The following ATRNL1 variants were observed in gnomAD, a reference collection of about 807,000 sequenced individuals.
The protein encoded by ATRNL1 is attractin-like protein 1.
In ATRNL1, 95 loss-of-function variants were observed where a neutral mutation model predicts 182.7. The observed-to-expected ratio is 0.52, with a 90% confidence interval of 0.44 to 0.62. The LOEUF is 0.62. Ranked by LOEUF, ATRNL1 falls within the 20% of genes least tolerant of loss-of-function variation. ATRNL1 has a pLI of 0.00. For synonymous variants in ATRNL1, 576 were observed against 568.3 expected (o/e 1.01, Z -0.19); for missense variants, 1,471 against 1,679.5 (o/e 0.88, Z 2.17).
chr10:115,854,150 G>A (rs1383568634), intron 28 of ATRNL1, among the ~76,000 whole-genome samples: 3 of 152,168 alleles, frequency 2.0e-5, no homozygotes, highest in Admixed American at 6.5e-5. Context: ...GTGTTAAAGT[G>A]CTATGAACAA....
At chr10:115,123,869 G>A (rs1193819080) in intron 3 of ATRNL1, among the ~76,000 whole-genome samples, 2 of 151,948 alleles carry the variant, frequency 1.3e-5, no homozygotes, top group Non-Finnish European at 2.9e-5. Flanking sequence ...AACTGTGCAT[G>A]TGAGGGATCT....
rs527286694 is a variant in ATRNL1 at position 115,558,078 on chromosome 10, C to A, written c.3795+8542C>A. 1.7e-3 allele frequency among the ~76,000 whole-genome samples: 226 copies of A among 133,016 alleles called. 1 individual carries two copies. Among genetic ancestry groups the A allele is most frequent in the African/African-American group, 3.0e-3 (106 of 35,330 alleles). The allele number at this position is 133,016 out of a possible 152,430, so 87.3% of individuals were successfully genotyped here. A position where few individuals can be genotyped will look rare whatever the true frequency, so the allele number is the denominator to read the frequency against. On this transcript the variant is annotated intron_variant, in intron 26 of 28. Coordinates refer to ENST00000355044, the MANE Select transcript of ATRNL1 (RefSeq NM_207303.4). ...AAAACAAAAAAACAAAAAAAAAAAA[C>A]CATTTAAAATACCTGGAAATAGTTT...
intron 10 of ATRNL1, among the ~76,000 whole-genome samples, chr10:115,251,130 G>T (rs1554905286): frequency 6.6e-6 from 1 of 152,112 alleles, no homozygotes; most frequent in Non-Finnish European, 1.5e-5. Context: ...AGTTCTACTT[G>T]GTAGTAGGTG....
intron 19 of ATRNL1, among the ~76,000 whole-genome samples, chr10:115,359,449 C>T (rs889465384): frequency 3.3e-5 from 5 of 151,398 alleles, no homozygotes; most frequent in African/African-American, 9.7e-5. Flanking sequence ...CAGGAAGAGG[C>T]AAAAAGTAGC....
At chr10:115,166,697 C>A (rs1365633394) in intron 7 of ATRNL1, among the ~76,000 whole-genome samples, 1 of 151,868 alleles carries the variant, frequency 6.6e-6, no homozygotes, top group East Asian at 1.9e-4. Context: ...ATTTGTATAT[C>A]CTCTTTGGAG....
intron 27 of ATRNL1, among the ~76,000 whole-genome samples, chr10:115,817,877 G>GTTTTTTTTTTTTTTTTTT (rs35087740): frequency 1.5e-5 from 2 of 133,882 alleles, no homozygotes; most frequent in African/African-American, 2.8e-5. Context: ...TTTACGTTGT[G>GTTTTTTTTTTTTTTTTTT]TTTTTTTTTT....
At chr10:115,748,741 TTTAC>T (rs1416912916) in intron 27 of ATRNL1, among the ~76,000 whole-genome samples, 1 of 151,978 alleles carries the variant, frequency 6.6e-6, no homozygotes, top group Non-Finnish European at 1.5e-5. Flanking sequence ...TACTCTCATA[TTTAC>T]TTAATCTGTC....
intron 26 of ATRNL1, among the ~76,000 whole-genome samples, chr10:115,642,633 C>T (rs1204615175): frequency 4.6e-5 from 7 of 152,170 alleles, no homozygotes; most frequent in African/African-American, 1.4e-4. Flanking sequence ...TTAGTAGAGA[C>T]AGGGTTTCAC....
intron 26 of ATRNL1, among the ~76,000 whole-genome samples, chr10:115,682,097 C>T (rs80282484): frequency 2.0e-5 from 3 of 152,090 alleles, no homozygotes; most frequent in African/African-American, 7.2e-5. Flanking sequence ...AAATAAAACT[C>T]TGTTGGATTT....
chr10:115,799,732 A>G (rs561196996), intron 27 of ATRNL1, among the ~76,000 whole-genome samples: 1 of 152,274 alleles, frequency 6.6e-6, no homozygotes, highest in East Asian at 1.9e-4. Flanking sequence ...CATTTAGCTA[A>G]TCTCATAATA....
Position 115,860,231 on chromosome 10 carries a change from A to G in ATRNL1, c.4018+12240A>G, listed in dbSNP as rs1247960419. On this transcript the variant is annotated intron_variant, in intron 28 of 28. Transcript: ENST00000355044. ...TCTTGTTCTCTGAACCTGCTGTCTG[A>G]TATAATTTGAATTGAACCTTGAAGC... 2.6e-5 allele frequency among the ~76,000 whole-genome samples: 4 copies of G among 152,292 alleles called. No homozygotes were observed. The East Asian group carries it at 7.7e-4, about 29-fold the overall frequency.
At chr10:115,596,083 G>A (rs189294819) in intron 26 of ATRNL1, among the ~76,000 whole-genome samples, 93 of 152,160 alleles carry the variant, frequency 6.1e-4, no homozygotes, top group Non-Finnish European at 1.1e-3. Flanking sequence ...GTTGGTGTTC[G>A]GAAATGTGAC....
At chr10:115,410,011 A>T (rs769359553) in intron 20 of ATRNL1, among the ~76,000 whole-genome samples, 1 of 151,864 alleles carries the variant, frequency 6.6e-6, no homozygotes, top group African/African-American at 2.4e-5. Flanking sequence ...CATTTTGTTG[A>T]TGTGATGTGT....
intron 19 of ATRNL1, among the ~76,000 whole-genome samples, chr10:115,383,867 G>GA (rs1186414870): frequency 6.6e-6 from 1 of 151,824 alleles, no homozygotes; most frequent in East Asian, 1.9e-4. Flanking sequence ...TACAGACTCA[G>GA]AAAAAATGCA....
chr10:115,094,130 C>G, intron 1 of ATRNL1, 87 bp downstream of exon 1: 1 of 1,222,022 alleles, frequency 8.2e-7, no homozygotes. Flanking sequence ...CTCCCCCGCC[C>G]CCGTCGCTGC....
At chr10:115,900,894 A>C (rs2134489536) in intron 28 of ATRNL1, among the ~76,000 whole-genome samples, 1 of 152,390 alleles carries the variant, frequency 6.6e-6, no homozygotes, top group East Asian at 1.9e-4. Context: ...AAGAAGAAAA[A>C]TAAATGATCA....
intron 28 of ATRNL1, among the ~76,000 whole-genome samples, chr10:115,853,448 C>T (rs1951101899): frequency 6.6e-6 from 1 of 152,116 alleles, no homozygotes; most frequent in East Asian, 1.9e-4. Flanking sequence ...GAAATGGACT[C>T]CGGGTCTGCT....
At chr10:115,705,398 A>G (rs941990747) in intron 26 of ATRNL1, among the ~76,000 whole-genome samples, 6 of 151,982 alleles carry the variant, frequency 3.9e-5, no homozygotes, top group African/African-American at 1.4e-4. Context: ...AGCAGGGAAT[A>G]TGCTGTATAT....
chr10:115,626,044 C>T (rs900512498), intron 26 of ATRNL1, among the ~76,000 whole-genome samples: 1 of 152,140 alleles, frequency 6.6e-6, no homozygotes, highest in Non-Finnish European at 1.5e-5. Context: ...CATGGTATAT[C>T]TCCATGCCCC....
Sources: gnomAD v4.1 joint callset for allele counts (sites outside exome capture counted in the v4.1 genomes callset) on GRCh38, gnomAD v4.1.1 for gene constraint, MANE v1.5 for transcripts, NCBI Gene and HGNC (gene_info 2026-07-23, HGNC 2026-07-21) for gene names.